Variants in NR3C2 observed in about 807,000 individuals in gnomAD.
NR3C2 encodes the protein nuclear receptor subfamily 3 group C member 2.
In NR3C2, 15 loss-of-function variants were observed where a neutral mutation model predicts 86.4. The ratio of observed to expected loss-of-function variants is 0.17; its 90% CI spans 0.12 to 0.27. The LOEUF is 0.27. Among genes scored for constraint, NR3C2 ranks in the 10% least tolerant of loss-of-function variants. The pLI is 1.00. For synonymous variants in NR3C2, 458 were observed against 450.5 expected (o/e 1.02, Z -0.21); for missense variants, 960 against 1,195.6 (o/e 0.80, Z 2.91).
intron 2 of NR3C2, among the ~76,000 whole-genome samples, chr4:148,322,400 T>A (rs1185155825): frequency 8.3e-6 from 1 of 120,746 alleles, no homozygotes; most frequent in Non-Finnish European, 1.7e-5. Flanking sequence ...GCGTTCTCTG[T>A]ATTTCCTGAA....
chr4:148,423,877 A>G (rs1012805665), intron 2 of NR3C2, among the ~76,000 whole-genome samples: 1 of 151,982 alleles, frequency 6.6e-6, no homozygotes, highest in Non-Finnish European at 1.5e-5. Context: ...CCTGGCTAAT[A>G]TTTGTTTGTA....
At chr4:148,332,913 T>G (rs1249246394) in intron 2 of NR3C2, among the ~76,000 whole-genome samples, 1 of 152,190 alleles carries the variant, frequency 6.6e-6, no homozygotes, top group Non-Finnish European at 1.5e-5. Flanking sequence ...TACTTTTCCA[T>G]GTGTTTTAAC....
At chr4:148,088,680 C>A (rs1314712154) in intron 8 of NR3C2, among the ~76,000 whole-genome samples, 2 of 143,534 alleles carry the variant, frequency 1.4e-5, no homozygotes, top group African/African-American at 2.6e-5. Flanking sequence ...CACATGGACA[C>A]AGGGAGGGGA....
chr4:148,086,949 G>A (rs1284275377), intron 8 of NR3C2, among the ~76,000 whole-genome samples: 3 of 152,122 alleles, frequency 2.0e-5, no homozygotes, highest in African/African-American at 7.2e-5. Flanking sequence ...GAGAAAGAAA[G>A]AAAGGGTATT....
At chr4:148,345,751 G>C (rs995196993) in intron 2 of NR3C2, among the ~76,000 whole-genome samples, 3 of 151,902 alleles carry the variant, frequency 2.0e-5, no homozygotes, top group Admixed American at 1.3e-4. Context: ...TGTTCTTTCT[G>C]GGTGTCTTCA....
At chr4:148,341,139 T>C (rs891033550) in intron 2 of NR3C2, among the ~76,000 whole-genome samples, 1 of 152,168 alleles carries the variant, frequency 6.6e-6, no homozygotes, top group Non-Finnish European at 1.5e-5. Flanking sequence ...CAGAGATATC[T>C]GCACTCCCAT....
At chr4:148,305,520 G>T (rs1245864964) in intron 2 of NR3C2, among the ~76,000 whole-genome samples, 2 of 144,222 alleles carry the variant, frequency 1.4e-5, no homozygotes, top group African/African-American at 2.6e-5. Flanking sequence ...GGATCATTTT[G>T]CAAGGATCCC....
chr4:148,255,431 T>C (rs1739784916), intron 3 of NR3C2, among the ~76,000 whole-genome samples: 1 of 152,216 alleles, frequency 6.6e-6, no homozygotes, highest in Non-Finnish European at 1.5e-5. Context: ...AAGATTAACT[T>C]GTAATTGTAT....
chr4:148,122,516 A>G (rs1297216585), intron 6 of NR3C2, among the ~76,000 whole-genome samples: 1 of 152,198 alleles, frequency 6.6e-6, no homozygotes, highest in African/African-American at 2.4e-5. Flanking sequence ...GTTTTTAGTT[A>G]TCATGATTAC....
chr4:148,352,539 C>T (rs1425738113), intron 2 of NR3C2, among the ~76,000 whole-genome samples: 1 of 152,044 alleles, frequency 6.6e-6, no homozygotes, highest in Non-Finnish European at 1.5e-5. Context: ...GACCCCATCT[C>T]AATGTGACAC....
chr4:148,152,134 T>A (rs1242151512), intron 6 of NR3C2, among the ~76,000 whole-genome samples: 2 of 152,188 alleles, frequency 1.3e-5, no homozygotes, highest in East Asian at 3.9e-4. Flanking sequence ...GTCTTCCCAA[T>A]TGGAGTCGAT....
intron 3 of NR3C2, among the ~76,000 whole-genome samples, chr4:148,229,784 A>G (rs1186656238): frequency 6.6e-6 from 1 of 152,216 alleles, no homozygotes; most frequent in East Asian, 1.9e-4. Flanking sequence ...TACGTTTTTT[A>G]TAAGCAGCTT....
chr4:148,329,802 C>T (rs139718145), intron 2 of NR3C2, among the ~76,000 whole-genome samples: 21 of 152,342 alleles, frequency 1.4e-4, no homozygotes, highest in Middle Eastern at 3.4e-3. Flanking sequence ...GGCAACAATT[C>T]GCTCAGTTAA....
chr4:148,397,233 G>A (rs1452955319), intron 2 of NR3C2, among the ~76,000 whole-genome samples: 3 of 152,250 alleles, frequency 2.0e-5, no homozygotes, highest in African/African-American at 4.8e-5. Flanking sequence ...CCCTGAGGGG[G>A]AGGGTGGCCT....
chr4:148,205,608 T>G (rs1560976821), intron 3 of NR3C2, among the ~76,000 whole-genome samples: 1 of 152,244 alleles, frequency 6.6e-6, no homozygotes, highest in Non-Finnish European at 1.5e-5. Flanking sequence ...ACATGCCAGT[T>G]ACAGCACTGG....
intron 2 of NR3C2, among the ~76,000 whole-genome samples, chr4:148,372,079 A>C (rs1366956875): frequency 6.6e-6 from 1 of 152,214 alleles, no homozygotes; most frequent in Non-Finnish European, 1.5e-5. Flanking sequence ...CGGACTCTAA[A>C]ACTTGAAGTA....
intron 2 of NR3C2, among the ~76,000 whole-genome samples, chr4:148,362,767 A>T (rs374479586): frequency 5.4e-4 from 82 of 152,254 alleles, no homozygotes; most frequent in African/African-American, 1.7e-3. Flanking sequence ...TGTGGAGTAT[A>T]TGAGAGAGAA....
At position 148,409,495 on chromosome 4, in the gene NR3C2, T is replaced by C. The variant is rs148406736; in HGVS notation, c.1757+25609A>G. 6.8e-4 allele frequency among the ~76,000 whole-genome samples: 103 copies of C among 152,264 alleles called. No homozygotes were observed. In the East Asian group the frequency reaches 0.019, roughly 28 times the overall value. On this transcript the variant is annotated intron_variant, in intron 2 of 8. Coordinates refer to ENST00000358102, the MANE Select transcript of NR3C2 (RefSeq NM_000901.5). The stretch of plus-strand genomic sequence containing the variant: ...CCTTATCTGTCTTGTCATAATGTTA[T>C]CTTTGTCAAAACTTTTAAACCTAAA...
intron 2 of NR3C2, among the ~76,000 whole-genome samples, chr4:148,290,989 C>A (rs1411717237): frequency 6.6e-6 from 1 of 152,072 alleles, no homozygotes; most frequent in Non-Finnish European, 1.5e-5. Context: ...TTTCATTCAC[C>A]TTTGTATACA....
Sources: gnomAD v4.1 joint callset for allele counts (sites outside exome capture counted in the v4.1 genomes callset) on GRCh38, gnomAD v4.1.1 for gene constraint, MANE v1.5 for transcripts, NCBI Gene and HGNC (gene_info 2026-07-23, HGNC 2026-07-21) for gene names.